KLF8: variants seen among roughly 807,000 people sequenced by gnomAD.
KLF8 encodes the protein Krueppel-like factor 8.
In KLF8, 10 loss-of-function variants were observed where a neutral mutation model predicts 18.2. The observed-to-expected ratio is 0.55, with a 90% confidence interval of 0.34 to 0.93. KLF8 has a LOEUF of 0.93. KLF8 is among the 40% of genes least tolerant of loss of function. The pLI, the probability that KLF8 is intolerant of heterozygous loss-of-function variation, is 0.02. For missense variants in KLF8, 264 were observed against 277.9 expected, an observed-to-expected ratio of 0.95 and a Z score of 0.36; for synonymous variants, 109 against 97.3, an observed-to-expected ratio of 1.12 and a Z score of -0.71.
chrX:56,164,692 C>A, the KLF8 span, among the ~76,000 whole-genome samples: 4 of 93,943 alleles, frequency 4.3e-5, no homozygotes, highest in Non-Finnish European at 8.4e-5. Flanking sequence ...TCTGTCTGCT[C>A]AGTATATTTC....
the KLF8 span, among the ~76,000 whole-genome samples, chrX:56,098,729 A>T: frequency 9.0e-6 from 1 of 111,553 alleles, no homozygotes; most frequent in Non-Finnish European, 1.9e-5. Flanking sequence ...TGGAAGTCGT[A>T]GCCAGAGGAA....
the KLF8 span, among the ~76,000 whole-genome samples, chrX:56,062,820 C>G: frequency 1.1e-3 from 119 of 111,230 alleles, no homozygotes; most frequent in African/African-American, 3.8e-3. Flanking sequence ...TAGATTTGGT[C>G]TTTTCACACA....
At chrX:56,178,619 C>A in the KLF8 span, among the ~76,000 whole-genome samples, 2 of 112,401 alleles carry the variant, frequency 1.8e-5, no homozygotes, top group South Asian at 3.7e-4. Flanking sequence ...AGTTTTAGTT[C>A]TAACTTTTAA....
chrX:56,219,274 G>A, the KLF8 span, among the ~76,000 whole-genome samples: 2 of 111,833 alleles, frequency 1.8e-5, no homozygotes, highest in Non-Finnish European at 3.8e-5. Context: ...TGATTTTTCA[G>A]GACCCATCTG....
chrX:56,107,534 G>A, the KLF8 span, among the ~76,000 whole-genome samples: 2 of 112,047 alleles, frequency 1.8e-5, no homozygotes, highest in Admixed American at 9.4e-5. Flanking sequence ...GCCCGGCACT[G>A]GAGAGAATCG....
chrX:56,116,634 GATATATATAT>G, the KLF8 span, among the ~76,000 whole-genome samples: 226 of 78,155 alleles, frequency 2.9e-3, no homozygotes, highest in African/African-American at 6.7e-3. Context: ...ATGATGTTCT[GATATATATAT>G]ATATATATAT....
the KLF8 span, among the ~76,000 whole-genome samples, chrX:55,942,963 G>A: frequency 4.5e-5 from 5 of 111,732 alleles, no homozygotes; most frequent in African/African-American, 6.5e-5. Context: ...CCTGTCCGGA[G>A]ACTGTGGCCC....
the KLF8 span, among the ~76,000 whole-genome samples, chrX:56,189,403 C>T: frequency 2.7e-5 from 3 of 111,408 alleles, no homozygotes; most frequent in South Asian, 3.8e-4. Context: ...GAAATAGGAA[C>T]ACTTTTACAC....
the KLF8 span, among the ~76,000 whole-genome samples, chrX:56,112,149 G>A: frequency 8.0e-5 from 9 of 111,955 alleles, no homozygotes; most frequent in South Asian, 3.8e-4. Flanking sequence ...ATACTATGCC[G>A]CCATAAAAAA....
At chrX:55,964,436 A>G in the KLF8 span, among the ~76,000 whole-genome samples, 1 of 110,932 alleles carries the variant, frequency 9.0e-6, no homozygotes, top group Non-Finnish European at 1.9e-5. Context: ...AATTAACCAA[A>G]TGTGATGGTG....
chrX:56,015,476 C>T, the KLF8 span, among the ~76,000 whole-genome samples: 1 of 112,367 alleles, frequency 8.9e-6, no homozygotes, highest in African/African-American at 3.2e-5. Context: ...ATCTTTTCAT[C>T]TGTTTGTTGG....
rs1327074166 is a variant in KLF8 at position 56,270,679 on chromosome X, A to G, written c.898+358A>G. On this transcript the variant is annotated intron_variant, in intron 5 of 5. Transcript: ENST00000468660. ...TCAACACTTAAGCAAAGATTAAGGC[A>G]TTACTCCCTTCCTTACTACCAGGGT... is the stretch of plus-strand genomic sequence containing the variant. Among the ~76,000 whole-genome samples, 4 of 111,569 alleles carry G rather than the reference A, an allele frequency of 3.6e-5. No individual in the cohort carries two copies. The East Asian group carries it at 1.1e-3, about 31-fold the overall frequency.
At chrX:56,255,525 C>T (rs1308896040) in intron 2 of KLF8, among the ~76,000 whole-genome samples, 7 of 112,124 alleles carry the variant, frequency 6.2e-5, no homozygotes, top group Admixed American at 9.4e-5. Flanking sequence ...TTTCCCCATT[C>T]GATATGATAC....
At chrX:56,169,980 G>A in the KLF8 span, among the ~76,000 whole-genome samples, 1 of 111,348 alleles carries the variant, frequency 9.0e-6, no homozygotes, top group Admixed American at 9.6e-5. Context: ...AGTTGCAGGT[G>A]GATCAGAACA....
intron 1 of KLF8, among the ~76,000 whole-genome samples, chrX:56,249,459 T>C (rs2066672767): frequency 8.9e-6 from 1 of 112,188 alleles, no homozygotes; most frequent in Admixed American, 9.5e-5. Context: ...AGGCTGAACT[T>C]GAAATATGTA....
chrX:56,035,562 A>T, the KLF8 span, among the ~76,000 whole-genome samples: 2 of 112,330 alleles, frequency 1.8e-5, no homozygotes, highest in Non-Finnish European at 3.8e-5. Context: ...TTATAGTGGT[A>T]CTAAGTTAAA....
chrX:55,964,614 C>A, the KLF8 span, among the ~76,000 whole-genome samples: 41 of 110,903 alleles, frequency 3.7e-4, no homozygotes, highest in African/African-American at 1.3e-3. Context: ...TCAATGAAAT[C>A]AAAAGTTGGT....
chrX:56,276,663 T>C (rs1027178378), intron 5 of KLF8, among the ~76,000 whole-genome samples: 4 of 111,969 alleles, frequency 3.6e-5, no homozygotes, highest in African/African-American at 1.3e-4. Flanking sequence ...TTTCTCTTGC[T>C]TCTTTTAGGA....
At chrX:56,249,249 T>A (rs1239209085) in intron 1 of KLF8, among the ~76,000 whole-genome samples, 1 of 112,254 alleles carries the variant, frequency 8.9e-6, no homozygotes, top group Admixed American at 9.4e-5. Flanking sequence ...TGCCATGTAG[T>A]CAGATAATAT....
Sources: gnomAD v4.1 joint callset for allele counts (sites outside exome capture counted in the v4.1 genomes callset) on GRCh38, gnomAD v4.1.1 for gene constraint, MANE v1.5 for transcripts, NCBI Gene and HGNC (gene_info 2026-07-23, HGNC 2026-07-21) for gene names.